The following ZNF717 variants were observed in gnomAD, a reference collection of about 807,000 sequenced individuals.
ZNF717 encodes zinc finger protein 717.
Under a neutral mutation model 13.8 loss-of-function variants are expected in ZNF717, and 9 were observed. That is an observed-to-expected ratio of 0.65 (90% CI 0.39 to 1.14). ZNF717 has a LOEUF of 1.14. Ranked by LOEUF, ZNF717 falls within the 50% of genes most tolerant of loss-of-function variation. The probability of loss-of-function intolerance (pLI) is 0.01; values close to 1 mark genes in which losing one functional copy is unlikely to be tolerated. For synonymous variants in ZNF717, 327 were observed against 364.1 expected (o/e 0.90, Z 1.16); for missense variants, 1,040 against 1,080.7 (o/e 0.96, Z 0.53).
chr3:75,734,729 C>CTTTAATATATACAAGGCTATG (rs1938931791), downstream of ZNF717, among the ~76,000 whole-genome samples: 1 of 150,766 alleles, frequency 6.6e-6, no homozygotes, highest in Admixed American at 6.6e-5. Context: ...GCCACCGTAC[C>CTTTAATATATACAAGGCTATG]TGGCTGCTTT....
At chr3:75,744,401 G>A (rs1376958229) in intron 2 of ZNF717, among the ~76,000 whole-genome samples, 1 of 152,222 alleles carries the variant, frequency 6.6e-6, no homozygotes, top group Non-Finnish European at 1.5e-5. Flanking sequence ...AAGCTGAAGA[G>A]ACTAAAAAAT....
At chr3:75,709,110 T>C (rs1937876273), downstream of ZNF717, among the ~76,000 whole-genome samples, 1 of 151,754 alleles carries the variant, frequency 6.6e-6, no homozygotes, top group Admixed American at 6.6e-5. Flanking sequence ...AAGCGATTCC[T>C]GTTTCAGCCT....
At chr3:75,781,008 G>C (rs1944774272) in intron 2 of ZNF717, among the ~76,000 whole-genome samples, 1 of 152,260 alleles carries the variant, frequency 6.6e-6, no homozygotes, top group African/African-American at 2.4e-5. Context: ...AATGGTAATA[G>C]TGACACCAGT....
At chr3:75,751,046 C>T (rs1575832010) in intron 2 of ZNF717, among the ~76,000 whole-genome samples, 1 of 151,550 alleles carries the variant, frequency 6.6e-6, no homozygotes, top group East Asian at 2.0e-4. Context: ...CACAGGATTC[C>T]AGAATACTGT....
intron 2 of ZNF717, among the ~76,000 whole-genome samples, chr3:75,764,293 G>A (rs901365408): frequency 4.6e-5 from 7 of 152,106 alleles, no homozygotes; most frequent in East Asian, 3.9e-4. Context: ...GGTCAGTTCC[G>A]TATCTGTTTC....
At chr3:75,731,323 G>A (rs1320752012), downstream of ZNF717, among the ~76,000 whole-genome samples, 1 of 152,202 alleles carries the variant, frequency 6.6e-6, no homozygotes, top group Non-Finnish European at 1.5e-5. Flanking sequence ...GTTGCAGTGA[G>A]CCAAGATCAT....
chr3:75,771,532 G>C (rs1943867849), intron 2 of ZNF717, among the ~76,000 whole-genome samples: 1 of 152,248 alleles, frequency 6.6e-6, no homozygotes, highest in South Asian at 2.1e-4. Context: ...GTGGTGAGCA[G>C]GGTTGCTAGG....
downstream of ZNF717, among the ~76,000 whole-genome samples, chr3:75,735,168 T>TTA (rs1939008346): frequency 6.6e-6 from 1 of 152,170 alleles, no homozygotes; most frequent in East Asian, 1.9e-4. Context: ...TGCTTACATA[T>TTA]AAGTGAAACA....
intron 5 of ZNF717, among the ~76,000 whole-genome samples, chr3:75,730,834 AT>A (rs1938488284): frequency 6.6e-6 from 1 of 152,278 alleles, no homozygotes; most frequent in Non-Finnish European, 1.5e-5. Flanking sequence ...AAGTCTACTA[AT>A]ACAATTCATC....
At chr3:75,777,890 C>T (rs371967389) in intron 2 of ZNF717, among the ~76,000 whole-genome samples, 16 of 145,876 alleles carry the variant, frequency 1.1e-4, no homozygotes, top group East Asian at 6.3e-4. Flanking sequence ...ATGGGAGTGA[C>T]GTGTTAAAAC....
chr3:75,784,744 GAATT>G (rs1379541959), intron 1 of ZNF717: 1 of 152,190 alleles, frequency 6.6e-6, no homozygotes, highest in Non-Finnish European at 1.5e-5. Context: ...CTAGGGAGTA[GAATT>G]AATATTTCCC....
Position 75,741,306 on chromosome 3 carries a change from C to T in ZNF717, c.247G>A (p.Val83Ile). ...KLEQGAEPWI[V>I]EETPNLRLSA... ...AGTCTCAGGTTTGGGGTTTCTTCTA[C>T]TATCCATGGCTCTGCTCCTTGCTCT... The change falls in exon 4 of 5, where the codon GTA becomes ATA. Residue 83 changes from valine (V) to isoleucine (I), a missense_variant. By Grantham distance (29) the Val-to-Ile change is conservative. Coordinates refer to ENST00000652011, the MANE Select transcript of ZNF717 (RefSeq NM_001290208.3). 1.3e-6 allele frequency: 2 copies of T among 1,549,164 alleles called. No homozygotes were observed. Among genetic ancestry groups the T allele is most frequent in the Non-Finnish European group, 1.7e-6 (2 of 1,144,724 alleles).
chr3:75,717,675 G>C lies in ZNF717; in HGVS notation n.545-1134C>G, dbSNP rs75375646. Among the ~76,000 whole-genome samples the C allele has an allele frequency of 1.3e-4, 20 of 152,250 alleles. No individual in the cohort carries two copies. The East Asian group carries it at 3.1e-3, about 24-fold the overall frequency. Reference sequence around the variant, plus strand: ...CTAAGCATTTGCCACCTCTTCCAAGGTGGAGGCCCACAAAAAGGCTACAGA... The same window carrying C: ...CTAAGCATTTGCCACCTCTTCCAAGCTGGAGGCCCACAAAAAGGCTACAGA... On this transcript the variant is annotated intron_variant and non_coding_transcript_variant, in intron 4 of 5. Transcript: ENST00000491507.
chr3:75,770,014 A>G (rs1451542203), intron 2 of ZNF717, among the ~76,000 whole-genome samples: 4 of 152,320 alleles, frequency 2.6e-5, no homozygotes, highest in African/African-American at 2.4e-5. Context: ...TTGTCTTTGC[A>G]TATTTCTTTA....
chr3:75,716,069 C>T (rs1938043334), intron 5 of ZNF717, among the ~76,000 whole-genome samples: 1 of 151,428 alleles, frequency 6.6e-6, no homozygotes, highest in South Asian at 2.1e-4. Flanking sequence ...TTCCCAGGTT[C>T]AAGTGATTCT....
intron 2 of ZNF717, among the ~76,000 whole-genome samples, chr3:75,745,127 C>A (rs1941004835): frequency 6.7e-6 from 1 of 149,646 alleles, no homozygotes; most frequent in Non-Finnish European, 1.5e-5. Flanking sequence ...GAATGTTTGT[C>A]CCTCACAACA....
intron 2 of ZNF717, among the ~76,000 whole-genome samples, chr3:75,782,797 A>G (rs148872961): frequency 1.9e-3 from 283 of 151,910 alleles, no homozygotes; most frequent in African/African-American, 6.5e-3. Context: ...ACCGTGCTTT[A>G]GCGGCAGATG....
At chr3:75,761,952 G>A (rs1318988767) in intron 2 of ZNF717, among the ~76,000 whole-genome samples, 4 of 152,218 alleles carry the variant, frequency 2.6e-5, no homozygotes, top group Non-Finnish European at 2.9e-5. Flanking sequence ...TGCTTGGGAG[G>A]CTGAGGCAGG....
intron 2 of ZNF717, among the ~76,000 whole-genome samples, chr3:75,753,256 T>C (rs1575851383): frequency 6.6e-6 from 1 of 151,700 alleles, no homozygotes; most frequent in Admixed American, 6.6e-5. Flanking sequence ...AGGGTCTAAA[T>C]GTCTGTCCCT....
Sources: gnomAD v4.1 joint callset for allele counts (sites outside exome capture counted in the v4.1 genomes callset) on GRCh38, gnomAD v4.1.1 for gene constraint, MANE v1.5 for transcripts, NCBI Gene and HGNC (gene_info 2026-07-23, HGNC 2026-07-21) for gene names.